LRRC7: variants seen among roughly 807,000 people sequenced by gnomAD.
The protein encoded by LRRC7 is leucine-rich repeat-containing protein 7.
A neutral mutation model predicts 175.7 loss-of-function variants in LRRC7; 23 were observed. The observed-to-expected ratio is 0.13, with a 90% CI of 0.09 to 0.19. The LOEUF is 0.19. Ranked by LOEUF, LRRC7 falls within the 10% of genes least tolerant of loss-of-function variation. The pLI is 1.00. For synonymous variants in LRRC7, 685 were observed against 680.9 expected, an observed-to-expected ratio of 1.01 and a Z score of -0.09; for missense variants, 1,354 against 1,904.7, an observed-to-expected ratio of 0.71 and a Z score of 5.38.
At chr1:70,000,599 T>G (rs1403827965) in intron 11 of LRRC7, among the ~76,000 whole-genome samples, 1 of 152,192 alleles carries the variant, frequency 6.6e-6, no homozygotes, top group Non-Finnish European at 1.5e-5. Context: ...CACTGGCCCT[T>G]CTCCTGTGCC....
At chr1:70,086,121 A>C (rs537809733) in intron 24 of LRRC7, among the ~76,000 whole-genome samples, 1 of 151,882 alleles carries the variant, frequency 6.6e-6, no homozygotes, top group Non-Finnish European at 1.5e-5. Context: ...TTATTTATTT[A>C]TTTATTTATT....
At chr1:69,833,836 G>C (rs1035756781) in intron 5 of LRRC7, among the ~76,000 whole-genome samples, 2 of 151,958 alleles carry the variant, frequency 1.3e-5, no homozygotes, top group Admixed American at 6.6e-5. Context: ...ACAATGACTT[G>C]AGTAGTAATC....
At chr1:70,110,815 G>T (rs1306805077) in intron 26 of LRRC7, among the ~76,000 whole-genome samples, 2 of 152,170 alleles carry the variant, frequency 1.3e-5, no homozygotes, top group Non-Finnish European at 2.9e-5. Context: ...CTTTCTGAAA[G>T]AAACGAGAAT....
chr1:69,618,861 G>C (rs1650096541), intron 1 of LRRC7, among the ~76,000 whole-genome samples: 1 of 152,098 alleles, frequency 6.6e-6, no homozygotes, highest in Admixed American at 6.6e-5. Context: ...GCAGAATAAG[G>C]CTTTCTAGCC....
At position 69,865,469 on chromosome 1, in the gene LRRC7, C is replaced by CTTTTTTTTT. The variant is rs532063540; in HGVS notation, c.647+27203_647+27211dup. Among the ~76,000 whole-genome samples, 425 of 51,248 alleles carry CTTTTTTTTT rather than the reference C, an allele frequency of 8.3e-3. 105 individuals are homozygous for CTTTTTTTTT. The highest frequency in any genetic ancestry group is 0.013 in the African/African-American group (163 of 12,318). 33.6% of individuals were successfully genotyped at this position (51,248 alleles called of 152,430 possible). ...ATAAGCAAGCTGCTGAAGACAGTTC[C>CTTTTTTTTT]TTTTTTTTTTTTTTTTTTTTTTTTT... On this transcript the variant is annotated intron_variant, in intron 7 of 26. Coordinates refer to ENST00000651989, the MANE Select transcript of LRRC7 (RefSeq NM_001370785.2).
At chr1:69,882,607 TTTC>T (rs1295598512) in intron 7 of LRRC7, among the ~76,000 whole-genome samples, 2 of 151,598 alleles carry the variant, frequency 1.3e-5, no homozygotes, top group East Asian at 3.9e-4. Flanking sequence ...AGAGGACATT[TTTC>T]TTTTTTTTTT....
chr1:69,624,509 T>A (rs1028918090), intron 1 of LRRC7, among the ~76,000 whole-genome samples: 3 of 152,132 alleles, frequency 2.0e-5, no homozygotes, highest in Non-Finnish European at 4.4e-5. Flanking sequence ...GGGTTAAATT[T>A]TTTTAATATC....
intron 7 of LRRC7, among the ~76,000 whole-genome samples, chr1:69,858,351 CA>C (rs1300197024): frequency 6.6e-6 from 1 of 152,028 alleles, no homozygotes; most frequent in Non-Finnish European, 1.5e-5. Flanking sequence ...AAAATTTTTG[CA>C]ATCTACTCAT....
At chr1:69,916,958 G>A (rs768436763) in intron 7 of LRRC7, among the ~76,000 whole-genome samples, 31 of 152,096 alleles carry the variant, frequency 2.0e-4, no homozygotes, top group Non-Finnish European at 4.0e-4. Flanking sequence ...GAGCTGAGAT[G>A]AGGAAAAGGG....
intron 18 of LRRC7, among the ~76,000 whole-genome samples, chr1:70,028,874 T>C (rs999507261): frequency 5.3e-5 from 8 of 152,176 alleles, no homozygotes; most frequent in African/African-American, 1.9e-4. Flanking sequence ...AATCTAGTCA[T>C]GTGAAGCTTA....
At chr1:70,097,872 T>G (rs946213251) in intron 25 of LRRC7, among the ~76,000 whole-genome samples, 3 of 148,694 alleles carry the variant, frequency 2.0e-5, no homozygotes, top group African/African-American at 5.0e-5. Context: ...TGTTGGACAT[T>G]TGGGTTGGTT....
chr1:69,853,042 C>T (rs1683164117), intron 7 of LRRC7, among the ~76,000 whole-genome samples: 1 of 152,020 alleles, frequency 6.6e-6, no homozygotes, highest in South Asian at 2.1e-4. Flanking sequence ...GAAAATTTTA[C>T]AAAATCTTTA....
At chr1:69,924,045 T>C (rs914601180) in intron 7 of LRRC7, among the ~76,000 whole-genome samples, 2 of 152,194 alleles carry the variant, frequency 1.3e-5, no homozygotes, top group East Asian at 1.9e-4. Context: ...CCCAGGACCA[T>C]TTATTAAATA....
At chr1:69,660,830 G>A (rs1202485268) in intron 1 of LRRC7, among the ~76,000 whole-genome samples, 3 of 152,056 alleles carry the variant, frequency 2.0e-5, no homozygotes, top group Admixed American at 2.0e-4. Context: ...GCAGTGCAGT[G>A]ACACAATTTG....
chr1:69,676,865 C>CA (rs1433856751), intron 1 of LRRC7, among the ~76,000 whole-genome samples: 1 of 150,082 alleles, frequency 6.7e-6, no homozygotes, highest in Non-Finnish European at 1.5e-5. Flanking sequence ...TCTAGGATTT[C>CA]AGTGCACATG....
At chr1:69,577,005 T>A (rs1489415951) in intron 1 of LRRC7, among the ~76,000 whole-genome samples, 1 of 152,166 alleles carries the variant, frequency 6.6e-6, no homozygotes, top group Non-Finnish European at 1.5e-5. Flanking sequence ...AGGATGGACG[T>A]TTTTTGTTTG....
At chr1:69,738,270 G>T (rs1293050368) in intron 2 of LRRC7, among the ~76,000 whole-genome samples, 1 of 151,958 alleles carries the variant, frequency 6.6e-6, no homozygotes, top group East Asian at 1.9e-4. Flanking sequence ...GAATGATAGA[G>T]CTGGTAATTG....
At chr1:69,753,889 T>C (rs7524277) in intron 2 of LRRC7, among the ~76,000 whole-genome samples, 109,325 of 151,918 alleles carry the variant, frequency 0.72, 39,706 homozygotes, top group East Asian at 0.92. Context: ...CAGAAAGAAG[T>C]CATTCTCCCT....
chr1:69,721,543 A>C (rs1740914), intron 2 of LRRC7, among the ~76,000 whole-genome samples: 66,532 of 151,516 alleles, frequency 0.44, 14,858 homozygotes, highest in Admixed American at 0.5. Flanking sequence ...ACTGATAGCT[A>C]ATTTCTCTTT....
Sources: allele counts gnomAD v4.1 joint callset (sites outside exome capture counted in the v4.1 genomes callset), GRCh38; gene constraint gnomAD v4.1.1; transcripts MANE v1.5; gene names NCBI Gene and HGNC (gene_info 2026-07-23, HGNC 2026-07-21).